The following GRID1 variants were observed in gnomAD, a reference collection of about 807,000 sequenced individuals.
GRID1 encodes glutamate receptor ionotropic, delta-1.
GRID1 carries 28 observed loss-of-function variants against 98.0 expected under a neutral mutation model. The ratio of observed to expected loss-of-function variants is 0.29; its 90% CI spans 0.21 to 0.39. The LOEUF (loss-of-function observed/expected upper bound fraction) is 0.39, where lower values mean the gene tolerates loss of function less well. GRID1 is among the 10% of genes least tolerant of loss of function. The pLI, the probability that GRID1 is intolerant of heterozygous loss-of-function variation, is 1.00. For synonymous variants in GRID1, 553 were observed against 538.5 expected, an observed-to-expected ratio of 1.03 and a Z score of -0.37; for missense variants, 1,111 against 1,340.5, an observed-to-expected ratio of 0.83 and a Z score of 2.67.
intron 2 of GRID1, among the ~76,000 whole-genome samples, chr10:86,329,535 G>C (rs1364631744): frequency 6.6e-6 from 1 of 152,182 alleles, no homozygotes; most frequent in African/African-American, 2.4e-5. Context: ...GGTGGGCCGA[G>C]TGTGCAGACT....
At chr10:86,096,258 G>A (rs568122316) in intron 4 of GRID1, among the ~76,000 whole-genome samples, 34 of 152,268 alleles carry the variant, frequency 2.2e-4, no homozygotes, top group African/African-American at 7.7e-4. Context: ...ATACATGGAT[G>A]ATGGGTGCAC....
intron 8 of GRID1, among the ~76,000 whole-genome samples, chr10:85,739,921 G>C (rs1369307349): frequency 6.6e-6 from 1 of 152,166 alleles, no homozygotes; most frequent in Non-Finnish European, 1.5e-5. Flanking sequence ...GCATTGGGTA[G>C]AGCAATGGGA....
intron 12 of GRID1, among the ~76,000 whole-genome samples, chr10:85,657,699 G>T (rs142988785): frequency 6.6e-6 from 1 of 152,138 alleles, no homozygotes; most frequent in Non-Finnish European, 1.5e-5. Flanking sequence ...ACAAAGCTAC[G>T]TGGGTCCAGG....
chr10:86,122,028 G>C (rs545282622), intron 4 of GRID1, among the ~76,000 whole-genome samples: 1 of 152,272 alleles, frequency 6.6e-6, no homozygotes, highest in South Asian at 2.1e-4. Flanking sequence ...CTGAGAAATG[G>C]GAGCAGTGAC....
chr10:86,166,515 C>T (rs765235832), intron 3 of GRID1, among the ~76,000 whole-genome samples: 2 of 152,192 alleles, frequency 1.3e-5, no homozygotes, highest in African/African-American at 4.8e-5. Flanking sequence ...TCACCTAGTC[C>T]TCAGGAGAAC....
chr10:86,226,823 G>T lies in GRID1; in HGVS notation c.236-20175C>A, dbSNP rs1009162578. 7.9e-5 allele frequency among the ~76,000 whole-genome samples: 12 copies of T among 150,984 alleles called. No individual in the cohort carries two copies. In the South Asian group the frequency reaches 1.3e-3, roughly 16 times the overall value. On this transcript the variant is annotated intron_variant, in intron 2 of 15. Coordinates refer to ENST00000327946, the MANE Select transcript of GRID1 (RefSeq NM_017551.3). Reference sequence around the variant, plus strand: ...CCGCAGCCCCCTAAACCAGCTGGCGGTCCTCCCTGAGCTCAGCCAGCTTGC... The same window carrying T: ...CCGCAGCCCCCTAAACCAGCTGGCGTTCCTCCCTGAGCTCAGCCAGCTTGC...
At chr10:85,738,429 G>A (rs762243139) in intron 8 of GRID1, among the ~76,000 whole-genome samples, 1 of 152,190 alleles carries the variant, frequency 6.6e-6, no homozygotes, top group Non-Finnish European at 1.5e-5. Context: ...AGCCACATTG[G>A]AAGACACTTC....
chr10:86,126,074 C>T (rs1407688082), intron 4 of GRID1, among the ~76,000 whole-genome samples: 1 of 149,188 alleles, frequency 6.7e-6, no homozygotes, highest in East Asian at 2.0e-4. Context: ...GAGGGAGACC[C>T]CTAAGGCAGG....
At chr10:86,364,954 C>T (rs1402416123) in intron 1 of GRID1, among the ~76,000 whole-genome samples, 1 of 152,216 alleles carries the variant, frequency 6.6e-6, no homozygotes, top group East Asian at 1.9e-4. Context: ...GTGCGACCAG[C>T]CCGAGCCTAG....
At chr10:86,281,647 C>T (rs919408707) in intron 2 of GRID1, among the ~76,000 whole-genome samples, 4 of 152,154 alleles carry the variant, frequency 2.6e-5, no homozygotes, top group African/African-American at 9.7e-5. Context: ...GCTCTGGGCT[C>T]CTGTTGCCCA....
chr10:86,119,249 T>A (rs1178688196), intron 4 of GRID1, among the ~76,000 whole-genome samples: 1 of 152,088 alleles, frequency 6.6e-6, no homozygotes, highest in Non-Finnish European at 1.5e-5. Flanking sequence ...ATGGGAAGAT[T>A]GCTTGAGCCT....
chr10:85,602,021 A>T lies in GRID1; in HGVS notation c.*252T>A. On this transcript the variant is annotated 3_prime_UTR_variant, in exon 16 of 16. Coordinates refer to ENST00000327946, the MANE Select transcript of GRID1 (RefSeq NM_017551.3). ...AAGTAATTTGCCTTTTTATTCATAT[A>T]GAACAAAATTTACAAAGTCATTCAT... is the stretch of plus-strand genomic sequence containing the variant. 2.4e-6 allele frequency: 1 copy of T among 418,832 alleles called. No individual in the cohort carries two copies. 25.9% of individuals were successfully genotyped at this position (418,832 alleles called of 1,614,324 possible).
At chr10:85,969,922 C>G (rs1171764863) in intron 4 of GRID1, among the ~76,000 whole-genome samples, 1 of 149,586 alleles carries the variant, frequency 6.7e-6, no homozygotes, top group Non-Finnish European at 1.5e-5. Flanking sequence ...TTTTTCAAGA[C>G]TGACAAAATT....
intron 8 of GRID1, among the ~76,000 whole-genome samples, chr10:85,754,141 T>A (rs1326702498): frequency 6.6e-6 from 1 of 152,200 alleles, no homozygotes; most frequent in Non-Finnish European, 1.5e-5. Context: ...AGAAATCACA[T>A]GCCACCAGCC....
Position 85,639,094 on chromosome 10 carries a change from T to C in GRID1, c.2193+8108A>G, listed in dbSNP as rs77562764. On this transcript the variant is annotated intron_variant, in intron 13 of 15. Coordinates refer to ENST00000327946, the MANE Select transcript of GRID1 (RefSeq NM_017551.3). ...AATTTAGCAAAGAAAAATGGAGACA[T>C]ATTTCAACAAAGTACTTGTATAATA... Among the ~76,000 whole-genome samples the C allele has an allele frequency of 4.7e-3, 720 of 152,308 alleles. 9 individuals carry two copies. Among genetic ancestry groups the C allele is most frequent in the African/African-American group, 0.017 (688 of 41,572 alleles).
At chr10:85,772,853 T>C (rs1842286911) in intron 8 of GRID1, among the ~76,000 whole-genome samples, 1 of 151,422 alleles carries the variant, frequency 6.6e-6, no homozygotes, top group Non-Finnish European at 1.5e-5. Context: ...CCAAAAAGAG[T>C]CCAGGACCAG....
chr10:85,902,110 C>T (rs1841397159), intron 5 of GRID1, among the ~76,000 whole-genome samples: 1 of 152,150 alleles, frequency 6.6e-6, no homozygotes, highest in Non-Finnish European at 1.5e-5. Context: ...ATAAAGGGTA[C>T]AAATCTAATC....
At chr10:85,915,331 C>T (rs1388603537) in intron 5 of GRID1, among the ~76,000 whole-genome samples, 1 of 152,058 alleles carries the variant, frequency 6.6e-6, no homozygotes, top group Non-Finnish European at 1.5e-5. Flanking sequence ...CACAAACTCA[C>T]GTATACACAC....
chr10:85,788,787 A>T (rs1278482828), intron 8 of GRID1, among the ~76,000 whole-genome samples: 3 of 152,256 alleles, frequency 2.0e-5, no homozygotes, highest in Non-Finnish European at 4.4e-5. Context: ...AGTCCTTCGC[A>T]GATGAGTTGC....
Sources: gnomAD v4.1 joint callset for allele counts (sites outside exome capture counted in the v4.1 genomes callset) on GRCh38, gnomAD v4.1.1 for gene constraint, MANE v1.5 for transcripts, NCBI Gene and HGNC (gene_info 2026-07-23, HGNC 2026-07-21) for gene names.